Variants in TTN observed in about 807,000 individuals in gnomAD.
The protein encoded by TTN is connectin.
A neutral mutation model predicts 3,223.0 loss-of-function variants in TTN; 1,525 were observed. The observed-to-expected ratio is 0.47, with a 90% CI of 0.45 to 0.49. TTN has a LOEUF of 0.49. Ranked by LOEUF, TTN falls within the 20% of genes least tolerant of loss-of-function variation. The pLI, the probability that TTN is intolerant of heterozygous loss-of-function variation, is 0.00. For missense variants in TTN, 40,786 were observed against 43,424.0 expected, an observed-to-expected ratio of 0.94 and a Z score of 5.40; for synonymous variants, 14,094 against 15,161.0, an observed-to-expected ratio of 0.93 and a Z score of 5.17.
Position 178,542,579 on chromosome 2 carries a change from A to C in TTN, c.97193-16T>G, listed in dbSNP as rs371317486. 134 of 1,591,840 alleles carry C rather than the reference A, an allele frequency of 8.4e-5. No homozygotes were observed. Among genetic ancestry groups the C allele is most frequent in the Non-Finnish European group, 1.0e-4 (119 of 1,166,142 alleles). On this transcript the variant is annotated splice_polypyrimidine_tract_variant and intron_variant, in intron 348 of 362. Coordinates refer to ENST00000589042, the MANE Select transcript of TTN (RefSeq NM_001267550.2). The stretch of plus-strand genomic sequence containing the variant: ...CCAGGCTTGTCTATGAAAGAGAAGA[A>C]ATACAGGAAATTAATTTTTACTTCA...
chr2:178,799,342 C>A lies in TTN; in HGVS notation c.914+145G>T. 4 of 1,283,562 alleles carry A rather than the reference C, an allele frequency of 3.1e-6. No individual in the cohort carries two copies. In the South Asian group the frequency reaches 5.4e-5, roughly 17 times the overall value. The allele number at this position is 1,283,562 out of a possible 1,614,324, so 79.5% of individuals were successfully genotyped here. ...CCCACAACCTGCCCGTTTGTATGCT[C>A]CCCTAGAGGTTTGAGCAGCGGGACA... On this transcript the variant is annotated intron_variant, in intron 6 of 362. Transcript: ENST00000589042.
rs879004875 is a variant in TTN at position 178,735,568 on chromosome 2, A to C, written c.14878T>G (p.Cys4960Gly). The part of the protein sequence containing the change: ...AKLKDSGTYV[C>G]TASNEAGSSS... ...CTTCCAGCCTCATTTGAAGCTGTACAGACATAGGTTCCTGAATCTTTCAGT... is the reference window on the plus strand; with the variant it reads ...CTTCCAGCCTCATTTGAAGCTGTACCGACATAGGTTCCTGAATCTTTCAGT... Residue 4960 changes from cysteine (C) to glycine (G), a missense_variant, in exon 50 of 363, where the codon TGT (cysteine) becomes GGT (glycine). By Grantham distance (159) the Cys-to-Gly change is radical. Transcript: ENST00000589042. 12 of 1,611,850 alleles carry C rather than the reference A, an allele frequency of 7.4e-6. No individual in the cohort carries two copies. The highest frequency in any genetic ancestry group is 1.3e-5 in the African/African-American group (1 of 74,692).
In TTN at chr2:178,581,797, A is replaced by G; in HGVS notation, c.66471T>C (p.Pro22157=). ...AAYARDPQYP[P]GPPAFPKVYD... is the part of the protein sequence containing the mutation. ...ATACTTTAGGGAAAGCCGGTGGGCC[A>G]GGAGGATCTGAGAATAAATAATGAT... is the stretch of plus-strand genomic sequence containing the variant. Residue 22157 remains proline (P), a synonymous_variant, in exon 316 of 363, where the codon CCT becomes CCC. Transcript: ENST00000589042. The G allele has an allele frequency of 2.5e-6, 4 of 1,596,344 alleles. No individual in the cohort carries two copies. The highest frequency in any genetic ancestry group is 3.4e-6 in the Non-Finnish European group (4 of 1,171,670).
Position 178,727,262 on chromosome 2 carries a change from C to G in TTN, c.20103G>C (p.Trp6701Cys). 6.2e-7 allele frequency: 1 copy of G among 1,613,196 alleles called. No individual in the cohort carries two copies. The highest frequency in any genetic ancestry group is 1.1e-5 in the South Asian group (1 of 91,046). Residue 6701 changes from tryptophan (W) to cysteine (C), a missense_variant, in exon 69 of 363, where the codon TGG (tryptophan) becomes TGC (cysteine). By Grantham distance (215) the Trp-to-Cys change is radical. Transcript: ENST00000589042. ...IAGSPEIRVV[W>C]FRNEHELPAS... ...CTGGAAGTTCATGTTCATTTCGGAA[C>G]CACACAACTCTGATTTCTGGGGATC...
At position 178,649,208 on chromosome 2, in the gene TTN, T is replaced by G. The variant is rs1005489974; in HGVS notation, c.40057+40A>C. 1.2e-5 allele frequency: 17 copies of G among 1,383,242 alleles called. No homozygotes were observed. The Admixed American group carries it at 2.4e-4, about 19-fold the overall frequency. The allele number at this position is 1,383,242 out of a possible 1,614,324, so 85.7% of individuals were successfully genotyped here. ...AAGACCTATTATTAACATGCTTAAA[T>G]AGCAGTTAGAGAAATCTATTTTTTC... On this transcript the variant is annotated intron_variant, in intron 213 of 362. Transcript: ENST00000589042.
In TTN at chr2:178,583,189, A is replaced by G. The variant is rs768911566; in HGVS notation, c.65614T>C (p.Leu21872=). 2 of 1,610,148 alleles carry G rather than the reference A, an allele frequency of 1.2e-6. No homozygotes were observed. Among genetic ancestry groups the G allele is most frequent in the East Asian group, 2.2e-5 (1 of 44,584 alleles). The change falls in exon 313 of 363, where the codon TTG becomes CTG. Residue 21872 remains leucine, a synonymous_variant. Transcript: ENST00000589042. The part of the protein sequence containing the change: ...RIDLSVAMKS[L]LTVKAGTNVC... The stretch of plus-strand genomic sequence containing the variant: ...TTAGTTCCAGCTTTCACAGTAAGCA[A>G]AGATTTCATAGCCACACTCAGGTCT...
At chr2:178,617,591 C>T (rs1409509401) in intron 253 of TTN, 79 bp from the exon 254 acceptor site, 2 of 1,439,490 alleles carry the variant, frequency 1.4e-6, no homozygotes, top group Admixed American at 2.7e-5. Context: ...TCAATTATAT[C>T]ATCCTCATTA....
At chr2:178,749,958 C>T in intron 47 of TTN, 1 of 1,613,160 alleles carries the variant, frequency 6.2e-7, no homozygotes, top group African/African-American at 1.3e-5. Flanking sequence ...GACAAAAATA[C>T]AAATCTGTGT....
rs2053519044 is a variant in TTN at position 178,601,789 on chromosome 2, T to C, written c.55303-2A>G. ...TGAGGAGTTTTCAGCAGTCTCCAGC[T>C]GTACAAAGAAAATAGTAGTCATACA... On this transcript the variant is annotated splice_acceptor_variant, in intron 285 of 362. Transcript: ENST00000589042. LOFTEE classifies it high-confidence loss of function. The C allele has an allele frequency of 1.9e-6, 3 of 1,601,958 alleles. No homozygotes were observed. The highest frequency in any genetic ancestry group is 2.6e-6 in the Non-Finnish European group (3 of 1,175,638).
In TTN at chr2:178,732,679, A is replaced by G; in HGVS notation, c.16382T>C (p.Val5461Ala). ...SFVTKPGSKD[V>A]LPGSAVCLKS... The stretch of plus-strand genomic sequence containing the variant: ...CAGGCAGACTGCTGAGCCAGGCAGA[A>G]CATCCTTTGAGCCGGGTTTAGTTAC... Residue 5461 changes from valine to alanine, a missense_variant, in exon 56 of 363, where the codon GTT becomes GCT. Transcript: ENST00000589042. 6.2e-7 allele frequency: 1 copy of G among 1,605,388 alleles called. No individual in the cohort carries two copies. The highest frequency in any genetic ancestry group is 8.5e-7 in the Non-Finnish European group (1 of 1,175,756).
At position 178,689,068 on chromosome 2, in the gene TTN, C is replaced by G. The variant is rs756672871; in HGVS notation, c.32080G>C (p.Ala10694Pro). ...CAAATCCTACCTCGGGGAGGAGGAG[C>G]TTTCTTAGCGACAGGAACTGGCACT... ...VAVPVPVAKK[A>P]PPPRAEVSKK... Residue 10694 changes from alanine to proline, a missense_variant, in exon 125 of 363, where the codon GCT (alanine) becomes CCT (proline). Physicochemically the swap from Ala to Pro is conservative, Grantham distance 27. Transcript: ENST00000589042. The G allele has an allele frequency of 3.2e-6, 5 of 1,583,032 alleles. No individual in the cohort carries two copies. The highest frequency in any genetic ancestry group is 3.5e-5 in the Admixed American group (2 of 56,740).
chr2:178,730,702 C>A lies in TTN; in HGVS notation c.17831G>T (p.Gly5944Val), dbSNP rs879222472. The A allele has an allele frequency of 6.8e-6, 11 of 1,613,536 alleles. No homozygotes were observed. The highest frequency in any genetic ancestry group is 1.7e-5 in the Admixed American group (1 of 59,968). The change falls in exon 61 of 363, where the codon GGG becomes GTG. Residue 5944 changes from glycine to valine, a missense_variant. Transcript: ENST00000589042. Reference protein sequence around the residue: ...SFIDLECIVAGSHPISIQWFK... With the variant: ...SFIDLECIVAVSHPISIQWFK... ...CCACTGGATGCTTATGGGATGTGACCCAGCCACTATACATTCTAAATCAAT... is the reference window on the plus strand; with the variant it reads ...CCACTGGATGCTTATGGGATGTGACACAGCCACTATACATTCTAAATCAAT...
chr2:178,712,289 G>C (rs771936676), intron 95 of TTN, 26 bp downstream of exon 95: 1 of 1,609,420 alleles, frequency 6.2e-7, no homozygotes, highest in Non-Finnish European at 8.5e-7. Context: ...TGTATACAAA[G>C]ATAAAAATGT....
rs910546033 is a variant in TTN, at chr2:178,713,858, A to G, written c.26761+39T>C. On this transcript the variant is annotated intron_variant, in intron 92 of 362. Transcript: ENST00000589042. ...ATTTATGAAAATCAGGAACTACATT[A>G]TTATAATGATGAAGGAAAAGCCCAA... The G allele has an allele frequency of 3.7e-6, 6 of 1,601,730 alleles. No individual in the cohort carries two copies. The Admixed American group carries it at 1.0e-4, about 27-fold the overall frequency.
rs753144532 is a variant in TTN, at chr2:178,618,815, C to T, written c.46735G>A (p.Val15579Ile). 6.2e-7 allele frequency: 1 copy of T among 1,610,782 alleles called. No homozygotes were observed. Among genetic ancestry groups the T allele is most frequent in the East Asian group, 2.2e-5 (1 of 44,528 alleles). ...ATTGTCAGAGGCTTGCCAACATCAACCACAAGGTCTTGGTCAGCTGTCTTG... is the reference window on the plus strand; with the variant it reads ...ATTGTCAGAGGCTTGCCAACATCAATCACAAGGTCTTGGTCAGCTGTCTTG... Reference protein sequence around the residue: ...KIKTADQDLVVDVGKPLTMVV... With the variant: ...KIKTADQDLVIDVGKPLTMVV... The change falls in exon 251 of 363, where the codon GTT becomes ATT. Residue 15579 changes from valine to isoleucine, a missense_variant. Transcript: ENST00000589042.
At position 178,674,372 on chromosome 2, in the gene TTN, T is replaced by G. The variant is rs747549288; in HGVS notation, c.34650A>C (p.Glu11550Asp). Residue 11550 changes from glutamate (E) to aspartate (D), a missense_variant, in exon 151 of 363, where the codon GAA becomes GAC. Glu to Asp is a conservative substitution (Grantham distance 45). Coordinates refer to ENST00000589042, the MANE Select transcript of TTN (RefSeq NM_001267550.2). ...EEPEEEPISE[E>D]EIPEEPPSIE... is the part of the protein sequence containing the mutation. ...TGCTAGGTGGTTCTTCTGGGATTTCTTCTTCTGAAATAGGCTCTTCTTCAG... is the reference window on the plus strand; with the variant it reads ...TGCTAGGTGGTTCTTCTGGGATTTCGTCTTCTGAAATAGGCTCTTCTTCAG... The G allele has an allele frequency of 7.5e-6, 12 of 1,596,296 alleles. No individual in the cohort carries two copies. The Admixed American group carries it at 2.0e-4, about 27-fold the overall frequency.
In TTN at chr2:178,630,963, G is replaced by A. The variant is rs1244597298; in HGVS notation, c.44015-20C>T. 1 of 1,612,156 alleles carries A rather than the reference G, an allele frequency of 6.2e-7. No individual in the cohort carries two copies. The highest frequency in any genetic ancestry group is 1.3e-5 in the African/African-American group (1 of 74,916). On this transcript the variant is annotated intron_variant, in intron 237 of 362. Coordinates refer to ENST00000589042, the MANE Select transcript of TTN (RefSeq NM_001267550.2). ...CCCGATCTAGAAAAGTGAAGGGCCA[G>A]CATGGGTCATTAGCCTCTGGCACAA...
intron 3 of TTN, among the ~76,000 whole-genome samples, chr2:178,801,269 T>A (rs921502667): frequency 2.6e-5 from 4 of 152,192 alleles, no homozygotes; most frequent in Non-Finnish European, 5.9e-5. Flanking sequence ...AAAGGGGATT[T>A]TTTTGGTTAT....
chr2:178,736,483 G>T (rs1444832494), intron 49 of TTN, among the ~76,000 whole-genome samples: 1 of 152,160 alleles, frequency 6.6e-6, no homozygotes, highest in Non-Finnish European at 1.5e-5. Context: ...GTGATAAGAA[G>T]ATTGAAGTAG....
Sources: allele counts gnomAD v4.1 joint callset (sites outside exome capture counted in the v4.1 genomes callset), GRCh38; gene constraint gnomAD v4.1.1; transcripts MANE v1.5; gene names NCBI Gene and HGNC (gene_info 2026-07-23, HGNC 2026-07-21).